The following TBC1D16 variants were observed in gnomAD, a reference collection of about 807,000 sequenced individuals.
TBC1D16 encodes TBC1 domain family member 16.
A neutral mutation model predicts 74.7 loss-of-function variants in TBC1D16; 58 were observed. The observed-to-expected ratio is 0.78, with a 90% CI of 0.63 to 0.97. TBC1D16 has a LOEUF of 0.97. Among genes scored for constraint, TBC1D16 ranks in the 50% least tolerant of loss-of-function variants. TBC1D16 has a pLI of 0.00. For missense variants in TBC1D16, 1,014 were observed against 1,079.5 expected (o/e 0.94, Z 0.85); for synonymous variants, 493 against 474.7 (o/e 1.04, Z -0.50).
intron 2 of TBC1D16, among the ~76,000 whole-genome samples, chr17:80,012,910 C>T (rs1308223577): frequency 1.3e-5 from 2 of 152,148 alleles, no homozygotes; most frequent in East Asian, 3.9e-4. Context: ...GCCCTGCAGC[C>T]CCACCTCCAC....
At position 79,970,869 on chromosome 17, in the gene TBC1D16, G is replaced by A. The variant is rs62076651; in HGVS notation, c.780-18051C>T. Among the ~76,000 whole-genome samples the A allele has an allele frequency of 2.8e-4, 9 of 32,356 alleles. 1 individual carries two copies. The highest frequency in any genetic ancestry group is 3.5e-4 in the Non-Finnish European group (6 of 17,266). The allele number at this position is 32,356 out of a possible 152,430, so 21.2% of individuals were successfully genotyped here. A position where few individuals can be genotyped will look rare whatever the true frequency, so the allele number is the denominator to read the frequency against. ...GCAAAAACAGCGCCACCCTGGAAAC[G>A]GAGAGTCAGCCCGGTGCAAAAACAG... On this transcript the variant is annotated intron_variant, in intron 3 of 11. Coordinates refer to ENST00000310924, the MANE Select transcript of TBC1D16 (RefSeq NM_019020.4).
rs1480264816 is a variant in TBC1D16 at position 79,975,740 on chromosome 17, C to T, written c.780-22922G>A. 6.6e-6 allele frequency among the ~76,000 whole-genome samples: 1 copy of T among 152,214 alleles called. No homozygotes were observed. Among genetic ancestry groups the T allele is most frequent in the Non-Finnish European group, 1.5e-5 (1 of 68,044 alleles). On this transcript the variant is annotated intron_variant, in intron 3 of 11. Transcript: ENST00000310924. This position sits in a 1 kb window ranked among gnomAD's most constrained non-coding sequence, Gnocchi z 4.5. ...CAGCCCAAACCTGTCGCTGGCTGCC[C>T]ACTAACGCTCCCAGCAGCCCTTAGT...
At chr17:80,020,943 C>T (rs924554709) in intron 1 of TBC1D16, among the ~76,000 whole-genome samples, 3 of 150,020 alleles carry the variant, frequency 2.0e-5, no homozygotes, top group Non-Finnish European at 2.9e-5. Context: ...ATTGCTCAAG[C>T]CCAGGAGCTC....
intron 3 of TBC1D16, among the ~76,000 whole-genome samples, chr17:79,960,811 G>GAAAAAAAAAAAAA (rs2033578708): frequency 2.5e-5 from 1 of 40,326 alleles, no homozygotes; most frequent in African/African-American, 9.7e-5. Flanking sequence ...AAAAAAAAAC[G>GAAAAAAAAAAAAA]AAGGAATGAA....
At position 80,007,585 on chromosome 17, in the gene TBC1D16, G is replaced by A. The variant is rs1406853347; in HGVS notation, c.779+2575C>T. Among the ~76,000 whole-genome samples the A allele has an allele frequency of 2.6e-5, 4 of 152,198 alleles. No homozygotes were observed. The highest frequency in any genetic ancestry group is 4.4e-5 in the Non-Finnish European group (3 of 68,042). On this transcript the variant is annotated intron_variant, in intron 3 of 11. Coordinates refer to ENST00000310924, the MANE Select transcript of TBC1D16 (RefSeq NM_019020.4). This position sits in a 1 kb window ranked among gnomAD's most constrained non-coding sequence, Gnocchi z 4.5. ...GAGCAGAGAAGGGGGCCATGGGGAG[G>A]GCCCTCCTCAGCCCAGGGTTCGGGG... is the stretch of plus-strand genomic sequence containing the variant.
At chr17:79,992,309 T>G (rs2035098034) in intron 3 of TBC1D16, 1 of 152,314 alleles carries the variant, frequency 6.6e-6, no homozygotes, top group Non-Finnish European at 1.5e-5. Context: ...GAGGAATCCC[T>G]GCTGGTCGCG....
In TBC1D16 at chr17:80,009,052, C is replaced by G. The variant is rs1173624409; in HGVS notation, c.779+1108G>C. The stretch of plus-strand genomic sequence containing the variant: ...CGAGCCGCCCTTTCCCCTTCGATAG[C>G]AGGGGATAATAGGAGGGCCCACCTC... On this transcript the variant is annotated intron_variant, in intron 3 of 11. Transcript: ENST00000310924. The surrounding 1 kb of genome is among the most constrained non-coding windows in gnomAD (Gnocchi z 5.4). Among the ~76,000 whole-genome samples, 30 of 152,330 alleles carry G rather than the reference C, an allele frequency of 2.0e-4. No individual in the cohort carries two copies. Among genetic ancestry groups the G allele is most frequent in the Non-Finnish European group, 4.4e-5 (3 of 68,026 alleles).
chr17:79,935,588 A>C lies in TBC1D16; in HGVS notation c.*5271T>G, dbSNP rs542311162. The C allele has an allele frequency of 6.6e-6, 1 of 152,386 alleles. No individual in the cohort carries two copies. The highest frequency in any genetic ancestry group is 1.9e-4 in the East Asian group (1 of 5,172). The allele number at this position is 152,386 out of a possible 1,614,324, so 9.4% of individuals were successfully genotyped here. ...AGAGCCTGCCGTGCTTTGACCCAGC[A>C]AGTCCCACCGCACCTTCCAGAGGCA... On this transcript the variant is annotated 3_prime_UTR_variant, in exon 12 of 12. Transcript: ENST00000310924.
intron 1 of TBC1D16, among the ~76,000 whole-genome samples, chr17:80,026,368 TGAG>T: frequency 6.7e-6 from 1 of 149,976 alleles, no homozygotes; most frequent in Non-Finnish European, 1.5e-5. Flanking sequence ...GAGGTGGCAG[TGAG>T]CCAAGATTGT....
chr17:80,010,407 G>T lies in TBC1D16; in HGVS notation c.532C>A (p.Gln178Lys). 6.2e-7 allele frequency: 1 copy of T among 1,611,568 alleles called. No individual in the cohort carries two copies. ...LGVDGAQPAS[Q>K]PACSPSGILS... The stretch of plus-strand genomic sequence containing the variant: ...ATCCCGGAGGGGCTGCAAGCAGGCT[G>T]CGAGGCTGGCTGGGCACCATCCACC... Residue 178 changes from glutamine (Q) to lysine (K), a missense_variant, in exon 3 of 12, where the codon CAG becomes AAG. Transcript: ENST00000310924. The surrounding 1 kb of genome is among the most constrained non-coding windows in gnomAD (Gnocchi z 8.8).
At chr17:79,963,867 C>T (rs889537044) in intron 3 of TBC1D16, among the ~76,000 whole-genome samples, 50 of 152,154 alleles carry the variant, frequency 3.3e-4, no homozygotes, top group African/African-American at 1.2e-3. Context: ...ATCGGGCATT[C>T]GTGTCTCTTC....
At chr17:80,025,284 G>C (rs2036536827) in intron 1 of TBC1D16, among the ~76,000 whole-genome samples, 1 of 149,966 alleles carries the variant, frequency 6.7e-6, no homozygotes, top group African/African-American at 2.5e-5. Flanking sequence ...TGACACGCCA[G>C]AGGCTGCCTG....
In TBC1D16 at chr17:79,961,036, GT is replaced by G. The variant is rs550170593; in HGVS notation, c.780-8219del. On this transcript the variant is annotated intron_variant, in intron 3 of 11. Coordinates refer to ENST00000310924, the MANE Select transcript of TBC1D16 (RefSeq NM_019020.4). The surrounding 1 kb of genome is among the most constrained non-coding windows in gnomAD (Gnocchi z 4.8). ...AATCTGTGTGTGAATGTTTATAGCA[GT>G]TTTATTCATCATTGCAGAAAACAGG... Among the ~76,000 whole-genome samples, 630 of 152,288 alleles carry G rather than the reference GT, an allele frequency of 4.1e-3. 5 individuals are homozygous for G. Among genetic ancestry groups the G allele is most frequent in the Non-Finnish European group, 5.2e-3 (354 of 68,022 alleles).
At chr17:80,024,436 CATAGACACACACACCACACACACCAT>C (rs2036426565) in intron 1 of TBC1D16, among the ~76,000 whole-genome samples, 1 of 5,936 alleles carries the variant, frequency 1.7e-4, no homozygotes, top group African/African-American at 5.7e-4. Flanking sequence ...CACTACACAT[CATAGACACACACACCACACACACCAT>C]AGACACACAC....
In TBC1D16 at chr17:79,980,929, G is replaced by A. The variant is rs149169675; in HGVS notation, c.780-28111C>T. Among the ~76,000 whole-genome samples, 36 of 152,258 alleles carry A rather than the reference G, an allele frequency of 2.4e-4. No individual in the cohort carries two copies. Among genetic ancestry groups the A allele is most frequent in the East Asian group, 7.7e-4 (4 of 5,174 alleles). On this transcript the variant is annotated intron_variant, in intron 3 of 11. Transcript: ENST00000310924. This position sits in a 1 kb window ranked among gnomAD's most constrained non-coding sequence, Gnocchi z 7.0. ...TGGGACCATGGCTAGGGGTTGTGAC[G>A]TGACCTGGGCCCCGGGAGGCCCTGA... is the stretch of plus-strand genomic sequence containing the variant.
chr17:79,980,524 T>C lies in TBC1D16; in HGVS notation c.780-27706A>G, dbSNP rs1251926351. Among the ~76,000 whole-genome samples, 2 of 152,160 alleles carry C rather than the reference T, an allele frequency of 1.3e-5. No homozygotes were observed. The highest frequency in any genetic ancestry group is 2.9e-5 in the Non-Finnish European group (2 of 68,038). ...AGAACCCGCAGGCCCTGGAGGACCC[T>C]GAAGATCACCAGGCCCAGTCTGTTC... On this transcript the variant is annotated intron_variant, in intron 3 of 11. Coordinates refer to ENST00000310924, the MANE Select transcript of TBC1D16 (RefSeq NM_019020.4). This position sits in a 1 kb window ranked among gnomAD's most constrained non-coding sequence, Gnocchi z 7.0.
rs958574483 is a variant in TBC1D16, at chr17:79,944,298, C to G, written c.1908+610G>C. 6.6e-6 allele frequency among the ~76,000 whole-genome samples: 1 copy of G among 152,136 alleles called. No homozygotes were observed. The highest frequency in any genetic ancestry group is 2.4e-5 in the African/African-American group (1 of 41,416). On this transcript the variant is annotated intron_variant, in intron 10 of 11. Transcript: ENST00000310924. This position sits in a 1 kb window ranked among gnomAD's most constrained non-coding sequence, Gnocchi z 7.7. ...TTTTTTTTTAAAAGGCTGATGGACTCAAAGAGACTTGCTTATCTTTTGACA... is the reference window on the plus strand; with the variant it reads ...TTTTTTTTTAAAAGGCTGATGGACTGAAAGAGACTTGCTTATCTTTTGACA...
intron 1 of TBC1D16, among the ~76,000 whole-genome samples, chr17:80,014,284 G>A (rs1018176372): frequency 7.2e-5 from 11 of 152,162 alleles, no homozygotes; most frequent in Non-Finnish European, 1.3e-4. Flanking sequence ...TTGAACCCAA[G>A]AGGCGGAGGG....
chr17:79,947,535 C>A (rs1393181837), intron 9 of TBC1D16, 110 bp downstream of exon 9: 10 of 1,262,196 alleles, frequency 7.9e-6, no homozygotes, highest in Admixed American at 3.8e-5. Context: ...CCACTGCCCA[C>A]TGACCTACAG....
Sources: gnomAD v4.1 joint callset for allele counts (sites outside exome capture counted in the v4.1 genomes callset) on GRCh38, gnomAD v4.1.1 for gene constraint, Gnocchi (gnomAD v3.1) non-coding constraint, MANE v1.5 for transcripts, NCBI Gene and HGNC (gene_info 2026-07-23, HGNC 2026-07-21) for gene names.